Variants in SLC25A26 observed in about 807,000 individuals in gnomAD.
The protein encoded by SLC25A26 is mitochondrial S-adenosylmethionine carrier protein.
In SLC25A26, 36 loss-of-function variants were observed where a neutral mutation model predicts 37.8. The ratio of observed to expected loss-of-function variants is 0.95; its 90% CI spans 0.73 to 1.26. SLC25A26 has a LOEUF of 1.26. Among genes scored for constraint, SLC25A26 ranks in the 50% most tolerant of loss-of-function variants. The pLI is 0.00. For missense variants in SLC25A26, 390 were observed against 331.1 expected (o/e 1.18, Z -1.38); for synonymous variants, 129 against 122.5 (o/e 1.05, Z -0.35).
At chr3:66,328,813 T>A (rs1286569079) in intron 5 of SLC25A26, among the ~76,000 whole-genome samples, 1 of 152,180 alleles carries the variant, frequency 6.6e-6, no homozygotes, top group Non-Finnish European at 1.5e-5. Context: ...GTTGTCTAAA[T>A]GGCACCATTT....
rs2072296664 is a variant in SLC25A26, at chr3:66,236,538, T to TC, written c.34-5dup. ...TTTCTTTTTCTTCCCTCTTTTTTTT[T>TC]CAAAGGCTGGTGGGGTAGCAGGTGT... is the stretch of plus-strand genomic sequence containing the variant. On this transcript the variant is annotated splice_region_variant and splice_polypyrimidine_tract_variant and intron_variant, in intron 1 of 9. Coordinates refer to ENST00000354883, the MANE Select transcript of SLC25A26 (RefSeq NM_001379210.1). 1.4e-6 allele frequency: 2 copies of TC among 1,428,542 alleles called. No individual in the cohort carries two copies. The highest frequency in any genetic ancestry group is 1.8e-6 in the Non-Finnish European group (2 of 1,085,120). The allele number at this position is 1,428,542 out of a possible 1,614,324, so 88.5% of individuals were successfully genotyped here.
At chr3:66,231,441 G>T (rs2072025836) in intron 1 of SLC25A26, among the ~76,000 whole-genome samples, 2 of 151,684 alleles carry the variant, frequency 1.3e-5, no homozygotes, top group Admixed American at 6.6e-5. Flanking sequence ...TACAAAACTT[G>T]AGCAAATAAA....
intron 5 of SLC25A26, among the ~76,000 whole-genome samples, chr3:66,288,986 C>G (rs568683460): frequency 6.6e-6 from 1 of 152,178 alleles, no homozygotes; most frequent in Non-Finnish European, 1.5e-5. Context: ...TCTCCAGCAT[C>G]TGTTGTTTCC....
intron 5 of SLC25A26, among the ~76,000 whole-genome samples, chr3:66,294,702 C>G (rs2074837123): frequency 6.6e-6 from 1 of 152,100 alleles, no homozygotes; most frequent in African/African-American, 2.4e-5. Flanking sequence ...TAAAAAAATT[C>G]ATGTAGCAGT....
chr3:66,187,119 C>T (rs1217903647), intron 1 of SLC25A26, among the ~76,000 whole-genome samples: 3 of 151,664 alleles, frequency 2.0e-5, no homozygotes, highest in Non-Finnish European at 4.4e-5. Context: ...GACCCTGATC[C>T]TCAACCAGAT....
At chr3:66,370,245 A>G (rs1448011736) in intron 8 of SLC25A26, among the ~76,000 whole-genome samples, 2 of 152,202 alleles carry the variant, frequency 1.3e-5, no homozygotes, top group African/African-American at 4.8e-5. Context: ...ATTGCTTCAT[A>G]GTGCTTCTGT....
At chr3:66,304,154 G>A (rs549056039) in intron 5 of SLC25A26, among the ~76,000 whole-genome samples, 132 of 152,118 alleles carry the variant, frequency 8.7e-4, no homozygotes, top group Non-Finnish European at 1.7e-3. Flanking sequence ...CAACTGATGG[G>A]GGAACTTAAT....
chr3:66,280,612 T>C (rs1311449008), intron 5 of SLC25A26, among the ~76,000 whole-genome samples: 1 of 152,188 alleles, frequency 6.6e-6, no homozygotes, highest in African/African-American at 2.4e-5. Context: ...TTATTTCCTT[T>C]CTACTCTTTG....
chr3:66,208,463 C>T (rs946016310), intron 1 of SLC25A26, among the ~76,000 whole-genome samples: 2 of 151,872 alleles, frequency 1.3e-5, no homozygotes, highest in African/African-American at 4.8e-5. Flanking sequence ...CACATGCCCT[C>T]TTGCCAGAAA....
intron 1 of SLC25A26, among the ~76,000 whole-genome samples, chr3:66,224,723 C>A (rs141285866): frequency 0.01 from 1,576 of 152,340 alleles, 31 homozygotes; most frequent in African/African-American, 0.036. Flanking sequence ...AAAGTCTTAT[C>A]TGAGACAAAG....
intron 1 of SLC25A26, among the ~76,000 whole-genome samples, chr3:66,140,726 A>T (rs2070021086): frequency 6.6e-6 from 1 of 152,138 alleles, no homozygotes. Context: ...TACACTTTCA[A>T]ATTTCCCAGT....
At chr3:66,144,535 C>G (rs2070086113) in intron 1 of SLC25A26, among the ~76,000 whole-genome samples, 1 of 152,078 alleles carries the variant, frequency 6.6e-6, no homozygotes, top group African/African-American at 2.4e-5. Flanking sequence ...GAATGCTGAG[C>G]TGAGGATTAG....
chr3:66,175,765 G>C (rs1396219406), intron 1 of SLC25A26, among the ~76,000 whole-genome samples: 1 of 152,198 alleles, frequency 6.6e-6, no homozygotes, highest in Non-Finnish European at 1.5e-5. Flanking sequence ...TTACTCTAGG[G>C]AGGGCTAACC....
intron 8 of SLC25A26, among the ~76,000 whole-genome samples, chr3:66,370,034 A>T (rs1163451627): frequency 6.6e-6 from 1 of 152,250 alleles, no homozygotes; most frequent in Non-Finnish European, 1.5e-5. Context: ...CTGAACCAAA[A>T]CAAAAAAGTC....
chr3:66,278,402 C>G (rs2074228339), intron 5 of SLC25A26, among the ~76,000 whole-genome samples: 1 of 152,132 alleles, frequency 6.6e-6, no homozygotes. Context: ...CTGCCCATCC[C>G]TCTCCATTCT....
At position 66,205,678 on chromosome 3, in the gene SLC25A26, C is replaced by A. The variant is rs1035745900; in HGVS notation, c.-353-15064C>A. Among the ~76,000 whole-genome samples, 5 of 152,332 alleles carry A rather than the reference C, an allele frequency of 3.3e-5. No homozygotes were observed. In the East Asian group the frequency reaches 7.7e-4, roughly 23 times the overall value. ...AAGTATGAGAACTCACAACTTAGCT[C>A]TTTTTGCCTCTCCTCTTCCTGATAA... On this transcript the variant is annotated intron_variant, in intron 1 of 10. Transcript: ENST00000676754.
Position 66,301,190 on chromosome 3 carries a change from G to A in SLC25A26, c.453+37811G>A, listed in dbSNP as rs1385275873. Among the ~76,000 whole-genome samples, 6 of 152,166 alleles carry A rather than the reference G, an allele frequency of 3.9e-5. No individual in the cohort carries two copies. The East Asian group carries it at 9.6e-4, about 24-fold the overall frequency. On this transcript the variant is annotated intron_variant, in intron 5 of 9. Coordinates refer to ENST00000354883, the MANE Select transcript of SLC25A26 (RefSeq NM_001379210.1). ...TCTTTTTAGTATTCAACTCAAAATTGCCAGTTTCCCTGAATTTATTATAGC... is the reference window on the plus strand; with the variant it reads ...TCTTTTTAGTATTCAACTCAAAATTACCAGTTTCCCTGAATTTATTATAGC...
At chr3:66,312,399 T>G (rs2075405087) in intron 5 of SLC25A26, among the ~76,000 whole-genome samples, 1 of 152,302 alleles carries the variant, frequency 6.6e-6, no homozygotes, top group African/African-American at 2.4e-5. Context: ...TTCAAGCCAG[T>G]GGATCTTAGC....
intron 5 of SLC25A26, among the ~76,000 whole-genome samples, chr3:66,320,262 A>C (rs1352922847): frequency 6.7e-6 from 1 of 149,840 alleles, no homozygotes; most frequent in Non-Finnish European, 1.5e-5. Flanking sequence ...ATAACTCCCC[A>C]CTCTCCCCTC....
Sources: allele counts gnomAD v4.1 joint callset (sites outside exome capture counted in the v4.1 genomes callset), GRCh38; gene constraint gnomAD v4.1.1; transcripts MANE v1.5; gene names NCBI Gene and HGNC (gene_info 2026-07-23, HGNC 2026-07-21).